METTL25: variants seen among roughly 807,000 people sequenced by gnomAD.
METTL25 encodes methyltransferase like 25.
Under a neutral mutation model 71.6 loss-of-function variants are expected in METTL25, and 64 were observed. The ratio of observed to expected loss-of-function variants is 0.89; its 90% CI spans 0.73 to 1.10. The LOEUF (loss-of-function observed/expected upper bound fraction) is 1.10. Ranked by LOEUF, METTL25 falls within the 50% of genes least tolerant of loss-of-function variation. The pLI is 0.00. For missense variants in METTL25, 807 were observed against 707.0 expected (o/e 1.14, Z -1.60); for synonymous variants, 287 against 250.3 (o/e 1.15, Z -1.38).
At chr12:82,389,992 CT>C in intron 3 of METTL25, 70 bp downstream of exon 3, 1 of 823,126 alleles carries the variant, frequency 1.2e-6, no homozygotes, top group Non-Finnish European at 2.1e-6. Flanking sequence ...CATATTTCAC[CT>C]TTTTACTGTC....
At chr12:82,405,950 A>G (rs566336483) in intron 5 of METTL25, among the ~76,000 whole-genome samples, 22 of 152,346 alleles carry the variant, frequency 1.4e-4, no homozygotes, top group African/African-American at 4.6e-4. Flanking sequence ...CATTTTACAC[A>G]CATAAGAGAG....
intron 5 of METTL25, among the ~76,000 whole-genome samples, chr12:82,424,184 C>T (rs1888780445): frequency 6.6e-6 from 1 of 152,132 alleles, no homozygotes; most frequent in African/African-American, 2.4e-5. Flanking sequence ...GGCACATACA[C>T]ACCATGGAAT....
intron 1 of METTL25, among the ~76,000 whole-genome samples, chr12:82,362,276 A>C (rs570367022): frequency 6.6e-6 from 1 of 152,346 alleles, no homozygotes; most frequent in African/African-American, 2.4e-5. Flanking sequence ...TTTTCAGTGC[A>C]TAAATTATGG....
intron 3 of METTL25, among the ~76,000 whole-genome samples, chr12:82,396,514 T>C (rs550977477): frequency 2.0e-5 from 3 of 152,162 alleles, no homozygotes; most frequent in South Asian, 2.1e-4. Flanking sequence ...ATTAAAGATA[T>C]GTATAAGAGT....
At chr12:82,476,600 T>C in intron 9 of METTL25, 44 bp from the exon 10 acceptor site, 1 of 1,279,312 alleles carries the variant, frequency 7.8e-7, no homozygotes, top group South Asian at 1.3e-5. Flanking sequence ...AGGAAAAATA[T>C]TTTTAAACTA....
intron 1 of METTL25, among the ~76,000 whole-genome samples, chr12:82,382,244 ACTGTTG>A (rs1290184774): frequency 2.6e-5 from 4 of 152,178 alleles, no homozygotes; most frequent in African/African-American, 9.7e-5. Context: ...TTAAGAGGAC[ACTGTTG>A]ATTTCTTCTT....
chr12:82,365,077 ATAAT>A (rs1409347512), intron 1 of METTL25, among the ~76,000 whole-genome samples: 2 of 152,338 alleles, frequency 1.3e-5, no homozygotes, highest in East Asian at 1.9e-4. Flanking sequence ...TCATGTTTAA[ATAAT>A]TCTTGAAAGA....
At chr12:82,400,650 A>T (rs951258374) in intron 4 of METTL25, among the ~76,000 whole-genome samples, 3 of 152,170 alleles carry the variant, frequency 2.0e-5, no homozygotes, top group Non-Finnish European at 4.4e-5. Flanking sequence ...TGCTGAAAAT[A>T]TATGATCAAA....
rs1893048815 is a variant in METTL25, at chr12:82,479,042, T to C, written c.*18T>C. 1 of 1,597,456 alleles carries C rather than the reference T, an allele frequency of 6.3e-7. No homozygotes were observed. The highest frequency in any genetic ancestry group is 1.3e-5 in the African/African-American group (1 of 74,536). ...AGCAGTGATTTCCATTGAAGCAAAT[T>C]ATTAGATGTATTTCTCTATGAGACC... On this transcript the variant is annotated 3_prime_UTR_variant, in exon 12 of 12. Transcript: ENST00000248306.
intron 1 of METTL25, among the ~76,000 whole-genome samples, chr12:82,383,960 G>A (rs945928731): frequency 6.6e-6 from 1 of 152,024 alleles, no homozygotes; most frequent in African/African-American, 2.4e-5. Context: ...TGACCAATTA[G>A]CCTATCTTTT....
chr12:82,442,313 C>A (rs1310606724), intron 8 of METTL25, among the ~76,000 whole-genome samples: 3 of 152,100 alleles, frequency 2.0e-5, no homozygotes, highest in Non-Finnish European at 2.9e-5. Flanking sequence ...CCTGGTCACC[C>A]AAACTGAAAA....
chr12:82,393,724 T>C (rs1177059801), intron 3 of METTL25, among the ~76,000 whole-genome samples: 1 of 152,212 alleles, frequency 6.6e-6, no homozygotes, highest in East Asian at 1.9e-4. Context: ...GCTTTCACTT[T>C]TTCTCTATTC....
At chr12:82,384,957 A>T (rs1185979938) in intron 1 of METTL25, among the ~76,000 whole-genome samples, 2 of 152,154 alleles carry the variant, frequency 1.3e-5, no homozygotes, top group Non-Finnish European at 2.9e-5. Context: ...TTCACTTAAT[A>T]GTTGACTGAG....
intron 1 of METTL25, among the ~76,000 whole-genome samples, chr12:82,386,328 G>C (rs1477740224): frequency 6.6e-6 from 1 of 152,052 alleles, no homozygotes; most frequent in Non-Finnish European, 1.5e-5. Context: ...TGTTGCCCGG[G>C]CTGACTACCT....
At chr12:82,358,916 G>C (rs920443752) in intron 1 of METTL25, 92 bp downstream of exon 1, 124 of 1,480,440 alleles carry the variant, frequency 8.4e-5, no homozygotes, top group Non-Finnish European at 1.1e-4. Context: ...AGCAGAACCA[G>C]GTGCGTGGCG....
intron 9 of METTL25, among the ~76,000 whole-genome samples, chr12:82,475,906 A>G (rs914467242): frequency 5.9e-5 from 9 of 152,250 alleles, no homozygotes; most frequent in African/African-American, 2.2e-4. Context: ...AAATGCTCCA[A>G]TGAGCATTTC....
rs541821632 is a variant in METTL25, at chr12:82,444,612, G to A, written c.1478+5821G>A. On this transcript the variant is annotated intron_variant, in intron 8 of 11. Transcript: ENST00000248306. ...AATCATAACATTTGTTAAGAGATAGGCATAAAAAAGTAAACAGACATCAAA... is the reference window on the plus strand; with the variant it reads ...AATCATAACATTTGTTAAGAGATAGACATAAAAAAGTAAACAGACATCAAA... 2.0e-5 allele frequency among the ~76,000 whole-genome samples: 3 copies of A among 152,212 alleles called. No individual in the cohort carries two copies. The South Asian group carries it at 6.2e-4, about 32-fold the overall frequency.
intron 5 of METTL25, among the ~76,000 whole-genome samples, chr12:82,420,553 A>G (rs1287467894): frequency 6.6e-6 from 1 of 152,096 alleles, no homozygotes; most frequent in Non-Finnish European, 1.5e-5. Context: ...AAGGGAGGGG[A>G]AAAATACATA....
intron 1 of METTL25, among the ~76,000 whole-genome samples, chr12:82,363,125 TC>T (rs1882152986): frequency 6.6e-6 from 1 of 152,188 alleles, no homozygotes; most frequent in East Asian, 1.9e-4. Context: ...ATACAAAAGG[TC>T]TGAGATCTAA....
Sources: gnomAD v4.1 joint callset for allele counts (sites outside exome capture counted in the v4.1 genomes callset) on GRCh38, gnomAD v4.1.1 for gene constraint, MANE v1.5 for transcripts, NCBI Gene and HGNC (gene_info 2026-07-23, HGNC 2026-07-21) for gene names.